SDK1: variants seen among roughly 807,000 people sequenced by gnomAD.
SDK1 encodes protein sidekick-1.
SDK1 carries 157 observed loss-of-function variants against 245.5 expected under a neutral mutation model. The ratio of observed to expected loss-of-function variants is 0.64; its 90% CI spans 0.56 to 0.73. The LOEUF (loss-of-function observed/expected upper bound fraction) is 0.73, where lower values mean the gene tolerates loss of function less well. Ranked by LOEUF, SDK1 falls within the 30% of genes least tolerant of loss-of-function variation. The probability of loss-of-function intolerance (pLI) is 0.00; values close to 1 mark genes in which losing one functional copy is unlikely to be tolerated. For synonymous variants in SDK1, 1,647 were observed against 1,278.5 expected, an observed-to-expected ratio of 1.29 and a Z score of -6.15; for missense variants, 3,583 against 3,002.3, an observed-to-expected ratio of 1.19 and a Z score of -4.52.
At chr7:4,249,702 T>G (rs1289488582) in intron 44 of SDK1, among the ~76,000 whole-genome samples, 1 of 152,206 alleles carries the variant, frequency 6.6e-6, no homozygotes, top group Non-Finnish European at 1.5e-5. Flanking sequence ...AGCTCTTTGC[T>G]AGGTAACCTT....
intron 21 of SDK1, 124 bp from the exon 22 acceptor site, chr7:4,079,339 G>C: frequency 8.4e-7 from 1 of 1,196,076 alleles, no homozygotes; most frequent in Non-Finnish European, 1.2e-6. Flanking sequence ...GGTTTTGAGA[G>C]CAAATCCTTT....
chr7:3,321,464 C>T (rs1779800093), intron 1 of SDK1, among the ~76,000 whole-genome samples: 1 of 152,150 alleles, frequency 6.6e-6, no homozygotes, highest in African/African-American at 2.4e-5. Flanking sequence ...CAGAACCTGG[C>T]TTCCTATTGT....
At chr7:4,072,856 T>C (rs1292161674) in intron 20 of SDK1, among the ~76,000 whole-genome samples, 1 of 152,158 alleles carries the variant, frequency 6.6e-6, no homozygotes, top group Non-Finnish European at 1.5e-5. Flanking sequence ...TCCATTTTAA[T>C]TCGAGGCCTG....
chr7:3,912,240 T>G (rs1448351245), intron 5 of SDK1, among the ~76,000 whole-genome samples: 1 of 152,202 alleles, frequency 6.6e-6, no homozygotes, highest in African/African-American at 2.4e-5. Flanking sequence ...TCTAAATGTG[T>G]TTCTTAGGCT....
rs113642946 is a variant in SDK1 at position 3,417,917 on chromosome 7, T to G, written c.298+116033T>G. On this transcript the variant is annotated intron_variant, in intron 1 of 44. Coordinates refer to ENST00000404826, the MANE Select transcript of SDK1 (RefSeq NM_152744.4). ...AAGGTGGTGGGGACGGAAGTGAGTT[T>G]GCAAAGTATCTTATAAAAAGCTAGA... Among the ~76,000 whole-genome samples the G allele has an allele frequency of 2.7e-3, 407 of 152,230 alleles. 1 individual carries two copies. Among genetic ancestry groups the G allele is most frequent in the African/African-American group, 9.2e-3 (384 of 41,514 alleles).
At chr7:3,639,313 T>G (rs747001932) in intron 3 of SDK1, among the ~76,000 whole-genome samples, 3 of 152,136 alleles carry the variant, frequency 2.0e-5, no homozygotes, top group African/African-American at 4.8e-5. Flanking sequence ...AAAGGGCACT[T>G]TTCTTCATTT....
At chr7:3,813,191 A>T (rs527703638) in intron 4 of SDK1, among the ~76,000 whole-genome samples, 1 of 149,388 alleles carries the variant, frequency 6.7e-6, no homozygotes, top group South Asian at 2.1e-4. Flanking sequence ...TACATGTGCC[A>T]TGCTGGTGCG....
At chr7:3,935,701 G>A (rs1039603518) in intron 5 of SDK1, among the ~76,000 whole-genome samples, 3 of 152,186 alleles carry the variant, frequency 2.0e-5, no homozygotes, top group Non-Finnish European at 4.4e-5. Context: ...CTTTAGGATG[G>A]CTGTAATTCA....
intron 1 of SDK1, among the ~76,000 whole-genome samples, chr7:3,530,906 T>G (rs1783322819): frequency 6.6e-6 from 1 of 152,226 alleles, no homozygotes; most frequent in Non-Finnish European, 1.5e-5. Flanking sequence ...AGGTCAAGTC[T>G]AAATATCATT....
intron 4 of SDK1, among the ~76,000 whole-genome samples, chr7:3,718,750 C>T (rs1209253186): frequency 6.7e-6 from 1 of 149,784 alleles, no homozygotes; most frequent in South Asian, 2.1e-4. Context: ...AGAATGACCG[C>T]TCTCCCACTC....
rs934192535 is a variant in SDK1, at chr7:3,307,842, A to G, written c.298+5958A>G. On this transcript the variant is annotated intron_variant, in intron 1 of 44. Transcript: ENST00000404826. The stretch of plus-strand genomic sequence containing the variant: ...CACCTATAAAAGGAGGGATTAGACT[A>G]GATGTTCAGAATTGTTCTACTCTGA... Among the ~76,000 whole-genome samples, 5 of 150,492 alleles carry G rather than the reference A, an allele frequency of 3.3e-5. No individual in the cohort carries two copies. The East Asian group carries it at 5.8e-4, about 17-fold the overall frequency.
rs184459269 is a variant in SDK1 at position 3,619,249 on chromosome 7, C to G, written c.458+10C>G. On this transcript the variant is annotated intron_variant, in intron 2 of 44. Coordinates refer to ENST00000404826, the MANE Select transcript of SDK1 (RefSeq NM_152744.4). ...ACAGCAGCGAATATAAGTAATTGAT[C>G]GCTTGAAAAAATAAGATCCCATTTC... 577 of 1,588,988 alleles carry G rather than the reference C, an allele frequency of 3.6e-4. 8 individuals carry two copies. The South Asian group carries it at 6.0e-3, about 16-fold the overall frequency.
chr7:3,366,149 GATTA>G (rs1019079696), intron 1 of SDK1, among the ~76,000 whole-genome samples: 8 of 151,964 alleles, frequency 5.3e-5, no homozygotes, highest in African/African-American at 1.2e-4. Context: ...TCAATTTCTG[GATTA>G]ATTCTTTCCA....
At position 4,145,891 on chromosome 7, in the gene SDK1, C is replaced by T. The variant is rs760929078; in HGVS notation, c.4398C>T (p.Ala1466=). The change falls in exon 29 of 45, where the codon GCC becomes GCT. Residue 1466 remains alanine, a synonymous_variant. Transcript: ENST00000404826. ...TRQGWGEPLE[A]TVITTEKRER... is the part of the protein sequence containing the mutation. ...AGGGCTGGGGGGAGCCACTGGAGGCCACCGTCATCACCACCGAGAAGAGAG... is the reference window on the plus strand; with the variant it reads ...AGGGCTGGGGGGAGCCACTGGAGGCTACCGTCATCACCACCGAGAAGAGAG... 6 of 1,588,210 alleles carry T rather than the reference C, an allele frequency of 3.8e-6. No homozygotes were observed. In the Admixed American group the frequency reaches 5.2e-5, roughly 14 times the overall value.
intron 19 of SDK1, among the ~76,000 whole-genome samples, chr7:4,066,005 C>T (rs1394874578): frequency 6.6e-6 from 1 of 152,098 alleles, no homozygotes; most frequent in Non-Finnish European, 1.5e-5. Flanking sequence ...GTGGCGCCAT[C>T]CAGCAGGTTC....
At chr7:4,058,248 T>C (rs1015339474) in intron 19 of SDK1, among the ~76,000 whole-genome samples, 2 of 152,144 alleles carry the variant, frequency 1.3e-5, no homozygotes, top group African/African-American at 4.8e-5. Flanking sequence ...AATTAATTCA[T>C]TGACTGAAAT....
rs919820148 is a variant in SDK1, at chr7:4,063,331, G to A, written c.2912-4507G>A. On this transcript the variant is annotated intron_variant, in intron 19 of 44. Coordinates refer to ENST00000404826, the MANE Select transcript of SDK1 (RefSeq NM_152744.4). ...ATGAACTAGCTGAGAAATAAATCAA[G>A]AAGTTGATTCCATTTACAATAGCTA... Among the ~76,000 whole-genome samples the A allele has an allele frequency of 3.9e-5, 6 of 151,958 alleles. No homozygotes were observed. In the East Asian group the frequency reaches 1.2e-3, roughly 29 times the overall value.
intron 1 of SDK1, among the ~76,000 whole-genome samples, chr7:3,418,307 A>G (rs929310165): frequency 6.6e-6 from 1 of 152,078 alleles, no homozygotes; most frequent in African/African-American, 2.4e-5. Flanking sequence ...ACAGAGCGAG[A>G]CTCCATCTCA....
chr7:3,608,281 A>G (rs1781485075), intron 1 of SDK1, among the ~76,000 whole-genome samples: 2 of 152,206 alleles, frequency 1.3e-5, no homozygotes, highest in African/African-American at 4.8e-5. Context: ...GTACGCCAAA[A>G]TGTGCCGGTT....
Sources: allele counts gnomAD v4.1 joint callset (sites outside exome capture counted in the v4.1 genomes callset), GRCh38; gene constraint gnomAD v4.1.1; transcripts MANE v1.5; gene names NCBI Gene and HGNC (gene_info 2026-07-23, HGNC 2026-07-21).